The following UPF1 variants were observed in gnomAD, a reference collection of about 807,000 sequenced individuals.
UPF1 encodes the protein UPF1 RNA helicase and ATPase.
Under a neutral mutation model 129.2 loss-of-function variants are expected in UPF1, and 9 were observed. That is an observed-to-expected ratio of 0.07 (90% confidence interval 0.04 to 0.12). The LOEUF (loss-of-function observed/expected upper bound fraction) is 0.12, where lower values mean the gene tolerates loss of function less well. Ranked by LOEUF, UPF1 falls within the 10% of genes least tolerant of loss-of-function variation. The pLI, the probability that UPF1 is intolerant of heterozygous loss-of-function variation, is 1.00. For synonymous variants in UPF1, 649 were observed against 644.9 expected, an observed-to-expected ratio of 1.01 and a Z score of -0.10; for missense variants, 788 against 1,525.3, an observed-to-expected ratio of 0.52 and a Z score of 8.05.
rs2055882719 is a variant in UPF1 at position 18,868,215 on chromosome 19, AAC to A, written c.*1700_*1701del. The A allele has an allele frequency of 3.8e-6, 1 of 264,802 alleles. No individual in the cohort carries two copies. The highest frequency in any genetic ancestry group is 4.8e-5 in the South Asian group (1 of 20,846). 16.4% of individuals were successfully genotyped at this position (264,802 alleles called of 1,614,324 possible). A position where few individuals can be genotyped will look rare whatever the true frequency, so the allele number is the denominator to read the frequency against. ...GTTCTTTTGTCACCAAATATTAATA[AAC>A]AGTTTTGACTTCACACCAAGGTTGG... On this transcript the variant is annotated 3_prime_UTR_variant, in exon 24 of 24. Transcript: ENST00000262803.
chr19:18,861,106 C>G (rs2055774295), intron 17 of UPF1, 124 bp downstream of exon 17: 1 of 1,325,796 alleles, frequency 7.5e-7, no homozygotes, highest in South Asian at 1.5e-5. Flanking sequence ...CAGGAAGCAC[C>G]AGCTGGCCCA....
At chr19:18,836,719 GAA>G (rs940045531) in intron 1 of UPF1, among the ~76,000 whole-genome samples, 1 of 150,698 alleles carries the variant, frequency 6.6e-6, no homozygotes, top group African/African-American at 2.4e-5. Flanking sequence ...AAACTGGAAA[GAA>G]AAGTCAGGGA....
chr19:18,850,351 C>T lies in UPF1; in HGVS notation c.629+109C>T, dbSNP rs2055644931. Reference sequence around the variant, plus strand: ...CGTGGCTCTAACTCCAGGGAGTTGTCCTCCAAAGATGGTTTTTGCTGAAGG... The same window carrying T: ...CGTGGCTCTAACTCCAGGGAGTTGTTCTCCAAAGATGGTTTTTGCTGAAGG... On this transcript the variant is annotated intron_variant, in intron 4 of 23. Coordinates refer to ENST00000262803, the MANE Select transcript of UPF1 (RefSeq NM_002911.4). This position sits in a 1 kb window ranked among gnomAD's most constrained non-coding sequence, Gnocchi z 7.1. 2 of 1,427,222 alleles carry T rather than the reference C, an allele frequency of 1.4e-6. No homozygotes were observed. The highest frequency in any genetic ancestry group is 2.8e-5 in the South Asian group (2 of 70,606). 88.4% of individuals were successfully genotyped at this position (1,427,222 alleles called of 1,614,324 possible).
At position 18,851,300 on chromosome 19, in the gene UPF1, C is replaced by T. The variant is rs944335822; in HGVS notation, c.810+432C>T. Among the ~76,000 whole-genome samples, 1 of 152,142 alleles carries T rather than the reference C, an allele frequency of 6.6e-6. No homozygotes were observed. Among genetic ancestry groups the T allele is most frequent in the Non-Finnish European group, 1.5e-5 (1 of 68,032 alleles). On this transcript the variant is annotated intron_variant, in intron 5 of 23. Coordinates refer to ENST00000262803, the MANE Select transcript of UPF1 (RefSeq NM_002911.4). This position sits in a 1 kb window ranked among gnomAD's most constrained non-coding sequence, Gnocchi z 4.2. ...GAGGGGAGAGGAGAGGGTGCCGGGTCAAGTAGTGGGTGCCTGGCCCTCCTT... is the reference window on the plus strand; with the variant it reads ...GAGGGGAGAGGAGAGGGTGCCGGGTTAAGTAGTGGGTGCCTGGCCCTCCTT...
At chr19:18,864,734 T>TG (rs1491286053) in intron 20 of UPF1, among the ~76,000 whole-genome samples, 1 of 10,894 alleles carries the variant, frequency 9.2e-5, no homozygotes, top group African/African-American at 4.8e-4. Context: ...TTTGCAGGTG[T>TG]TTTTTTTTTT....
At chr19:18,841,376 A>G (rs76666447) in intron 1 of UPF1, among the ~76,000 whole-genome samples, 1,768 of 152,294 alleles carry the variant, frequency 0.012, 34 homozygotes, top group African/African-American at 0.04. Flanking sequence ...ATGCATTTCT[A>G]GAAGCAGAAA....
Position 18,865,521 on chromosome 19 carries a change from C to G in UPF1, c.3020-40C>G. The G allele has an allele frequency of 6.2e-7, 1 of 1,613,180 alleles. No individual in the cohort carries two copies. Among genetic ancestry groups the G allele is most frequent in the Non-Finnish European group, 8.5e-7 (1 of 1,179,480 alleles). ...TTGAGGGTGTGCTTGTCTGCGAGGC[C>G]CTGGCCTCCTTCGGATCACCCTGGA... On this transcript the variant is annotated intron_variant, in intron 21 of 23. Transcript: ENST00000262803. The surrounding 1 kb of genome is among the most constrained non-coding windows in gnomAD (Gnocchi z 6.1).
intron 1 of UPF1, among the ~76,000 whole-genome samples, chr19:18,835,293 A>G (rs763599012): frequency 6.6e-6 from 1 of 151,964 alleles, no homozygotes; most frequent in Non-Finnish European, 1.5e-5. Context: ...GCATTCAGGA[A>G]AATGAACCTG....
intron 2 of UPF1, 26 bp downstream of exon 2, chr19:18,846,145 G>T (rs764809100): frequency 1.1e-5 from 17 of 1,613,000 alleles, no homozygotes; most frequent in Non-Finnish European, 1.4e-5. Context: ...CTGGGCCTGG[G>T]CATGTGCTGG....
chr19:18,834,154 T>A (rs2055458640), intron 1 of UPF1, among the ~76,000 whole-genome samples: 1 of 152,148 alleles, frequency 6.6e-6, no homozygotes, highest in Non-Finnish European at 1.5e-5. Flanking sequence ...TTATTCCTTT[T>A]AAACATAAAG....
chr19:18,855,680 C>CAA, intron 11 of UPF1: 153 of 508,006 alleles, frequency 3.0e-4, no homozygotes, highest in East Asian at 1.0e-3. Flanking sequence ...GACGTCTCTA[C>CAA]AAAAAAAAAA....
intron 3 of UPF1, among the ~76,000 whole-genome samples, chr19:18,849,648 C>T (rs1023157978): frequency 2.0e-5 from 3 of 152,142 alleles, no homozygotes; most frequent in African/African-American, 4.8e-5. Context: ...GAAGTAGGCA[C>T]AGGGCCTCTG....
chr19:18,836,079 G>A (rs565319626), intron 1 of UPF1, among the ~76,000 whole-genome samples: 2 of 152,292 alleles, frequency 1.3e-5, no homozygotes, highest in East Asian at 3.9e-4. Flanking sequence ...ATTTATCAAA[G>A]CCCTTGAGAT....
rs1336658306 is a variant in UPF1 at position 18,856,776 on chromosome 19, G to C, written c.1825-101G>C. On this transcript the variant is annotated intron_variant, in intron 13 of 23. Coordinates refer to ENST00000262803, the MANE Select transcript of UPF1 (RefSeq NM_002911.4). ...GCTTGTTTTTTATAGTGTCAGGGAG[G>C]GTGAGAAACAGGAGAGCTTCTGTGT... 2.1e-6 allele frequency: 3 copies of C among 1,462,118 alleles called. No individual in the cohort carries two copies. In the African/African-American group the frequency reaches 4.2e-5, roughly 21 times the overall value. 90.6% of individuals were successfully genotyped at this position (1,462,118 alleles called of 1,614,324 possible).
chr19:18,855,894 T>A, intron 11 of UPF1, 31 bp from the exon 12 acceptor site: 5 of 1,609,530 alleles, frequency 3.1e-6, no homozygotes, highest in Non-Finnish European at 4.2e-6. Context: ...TTCCTCTGGG[T>A]AAGCACTGAG....
intron 1 of UPF1, among the ~76,000 whole-genome samples, chr19:18,838,511 A>G (rs2055506758): frequency 6.6e-6 from 1 of 151,950 alleles, no homozygotes; most frequent in Non-Finnish European, 1.5e-5. Context: ...AGCTGGGTAT[A>G]GTGGCACATG....
rs763451110 is a variant in UPF1, at chr19:18,850,670, C to T, written c.630-18C>T. On this transcript the variant is annotated intron_variant, in intron 4 of 23. Transcript: ENST00000262803. The surrounding 1 kb of genome is among the most constrained non-coding windows in gnomAD (Gnocchi z 7.1). ...CAGGGACGGGAGCTGGTCCTCACGGCCCCCTCCCGCTCTGCAGGCAGCCCT... is the reference window on the plus strand; with the variant it reads ...CAGGGACGGGAGCTGGTCCTCACGGTCCCCTCCCGCTCTGCAGGCAGCCCT... The T allele has an allele frequency of 1.4e-4, 222 of 1,547,880 alleles. 1 individual carries two copies. Among genetic ancestry groups the T allele is most frequent in the Non-Finnish European group, 1.9e-4 (217 of 1,144,816 alleles).
At chr19:18,855,636 T>C in intron 11 of UPF1, 1 of 505,976 alleles carries the variant, frequency 2.0e-6, no homozygotes, top group South Asian at 2.4e-5. Context: ...CTGTTAAAAA[T>C]GTCAGGAGTT....
At position 18,832,578 on chromosome 19, in the gene UPF1, C is replaced by T. The variant is rs914861558; in HGVS notation, c.231+138C>T. The T allele has an allele frequency of 6.6e-6, 4 of 604,828 alleles. No individual in the cohort carries two copies. Among genetic ancestry groups the T allele is most frequent in the Admixed American group, 1.3e-4 (2 of 15,812 alleles). 37.5% of individuals were successfully genotyped at this position (604,828 alleles called of 1,614,324 possible). On this transcript the variant is annotated intron_variant, in intron 1 of 23. Coordinates refer to ENST00000262803, the MANE Select transcript of UPF1 (RefSeq NM_002911.4). This position sits in a 1 kb window ranked among gnomAD's most constrained non-coding sequence, Gnocchi z 5.6. ...GGGCCTGGGGCGATCTGCCCCGGGT[C>T]CCCTACTCTGGCTCGGCCTGAGCTT...
Sources: allele counts gnomAD v4.1 joint callset (sites outside exome capture counted in the v4.1 genomes callset), GRCh38; gene constraint gnomAD v4.1.1; non-coding constraint Gnocchi (gnomAD v3.1); transcripts MANE v1.5; gene names NCBI Gene and HGNC (gene_info 2026-07-23, HGNC 2026-07-21).